The following CCN4 variants were observed in gnomAD, a reference collection of about 807,000 sequenced individuals.
CCN4 encodes the protein cellular communication network factor 4.
A neutral mutation model predicts 36.7 loss-of-function variants in CCN4; 30 were observed. That is an observed-to-expected ratio of 0.82 (90% CI 0.61 to 1.11). CCN4 has a LOEUF of 1.11. Ranked by LOEUF, CCN4 falls within the 50% of genes least tolerant of loss-of-function variation. The pLI is 0.00. For synonymous variants in CCN4, 191 were observed against 195.4 expected (o/e 0.98, Z 0.19); for missense variants, 505 against 504.9 (o/e 1.00, Z 0.00).
chr8:133,204,424 C>G (rs1200569827), intron 1 of CCN4, among the ~76,000 whole-genome samples: 1 of 152,178 alleles, frequency 6.6e-6, no homozygotes, highest in East Asian at 1.9e-4. Context: ...TCTAAAATCT[C>G]CACACTTTTC....
intron 1 of CCN4, among the ~76,000 whole-genome samples, chr8:133,192,056 G>A (rs1023351466): frequency 6.6e-6 from 1 of 152,212 alleles, no homozygotes; most frequent in African/African-American, 2.4e-5. Context: ...AGGGCAGGAG[G>A]TGGGTACCTG....
At position 133,200,245 on chromosome 8, in the gene CCN4, G is replaced by A. The variant is rs150397634; in HGVS notation, c.69+9032G>A. Among the ~76,000 whole-genome samples the A allele has an allele frequency of 4.0e-3, 611 of 152,342 alleles. 4 individuals carry two copies. The highest frequency in any genetic ancestry group is 0.014 in the African/African-American group (587 of 41,574). ...CACAGTGATCCCTTCATCCCAGCCT[G>A]CTCTTGTTACAGAGAAAGTGACTTG... On this transcript the variant is annotated intron_variant, in intron 1 of 4. Transcript: ENST00000250160.
At position 133,224,705 on chromosome 8, in the gene CCN4, C is replaced by T. The variant is rs182695774; in HGVS notation, c.611-685C>T. On this transcript the variant is annotated intron_variant, in intron 3 of 4. Coordinates refer to ENST00000250160, the MANE Select transcript of CCN4 (RefSeq NM_003882.4). ...ATCCCAACACTTTGGAAGGCTGAGGCGGGTGGATCACCTGAGGTCAGGAGT... is the reference window on the plus strand; with the variant it reads ...ATCCCAACACTTTGGAAGGCTGAGGTGGGTGGATCACCTGAGGTCAGGAGT... Among the ~76,000 whole-genome samples the T allele has an allele frequency of 4.4e-4, 67 of 151,674 alleles. No homozygotes were observed. In the East Asian group the frequency reaches 9.3e-3, roughly 21 times the overall value.
intron 1 of CCN4, among the ~76,000 whole-genome samples, chr8:133,204,349 G>C (rs942316115): frequency 5.3e-5 from 8 of 152,250 alleles, no homozygotes; most frequent in African/African-American, 1.7e-4. Context: ...CAGCTTAGCA[G>C]TGTCGGTGGG....
intron 1 of CCN4, among the ~76,000 whole-genome samples, chr8:133,211,104 T>G (rs939028150): frequency 2.6e-5 from 4 of 152,218 alleles, no homozygotes; most frequent in Non-Finnish European, 5.9e-5. Context: ...CAGAAATTCA[T>G]CTGAACCACT....
At chr8:133,195,864 C>A (rs1853363072) in intron 1 of CCN4, among the ~76,000 whole-genome samples, 1 of 152,178 alleles carries the variant, frequency 6.6e-6, no homozygotes, top group Admixed American at 6.5e-5. Flanking sequence ...AAACAGCAAC[C>A]CAGGGATCTT....
At chr8:133,214,015 G>GTTTATATATACTATATATAAACTATATA (rs1854196831) in intron 2 of CCN4, among the ~76,000 whole-genome samples, 12 of 2,912 alleles carry the variant, frequency 4.1e-3, no homozygotes, top group Non-Finnish European at 0.015. Flanking sequence ...ACTATATATA[G>GTTTATATATACTATATATAAACTATATA]TAGTTATACA....
intron 2 of CCN4, among the ~76,000 whole-genome samples, chr8:133,217,936 C>CCATACACACACACACACACACACA (rs1554743639): frequency 6.9e-6 from 1 of 144,432 alleles, no homozygotes; most frequent in Non-Finnish European, 1.5e-5. Context: ...ACTCCCTTCT[C>CCATACACACACACACACACACACA]CACACACACA....
chr8:133,199,236 T>G (rs569846380), intron 1 of CCN4, among the ~76,000 whole-genome samples: 18 of 152,306 alleles, frequency 1.2e-4, no homozygotes, highest in Admixed American at 1.1e-3. Context: ...TCTGCCTGCA[T>G]CTCTGAGCCT....
chr8:133,227,066 G>A (rs1004439432), intron 4 of CCN4, among the ~76,000 whole-genome samples: 2 of 152,320 alleles, frequency 1.3e-5, no homozygotes. Flanking sequence ...CTAGCCAGGG[G>A]AACTTGCTTG....
At chr8:133,225,729 G>T in intron 4 of CCN4, 146 bp downstream of exon 4, 1 of 713,340 alleles carries the variant, frequency 1.4e-6, no homozygotes, top group Non-Finnish European at 2.1e-6. Context: ...CAGCTATTTC[G>T]GATAATGCAG....
At chr8:133,222,483 C>T (rs183773143) in intron 3 of CCN4, among the ~76,000 whole-genome samples, 2 of 151,558 alleles carry the variant, frequency 1.3e-5, no homozygotes, top group Admixed American at 6.6e-5. Context: ...AGGAAGGAGA[C>T]GAAATAGGAG....
At chr8:133,218,457 A>G (rs1046713676) in intron 2 of CCN4, among the ~76,000 whole-genome samples, 1 of 152,178 alleles carries the variant, frequency 6.6e-6, no homozygotes, top group African/African-American at 2.4e-5. Context: ...TTGTTTTGCT[A>G]TATATAAAGA....
chr8:133,210,293 T>A (rs1853959543), intron 1 of CCN4, among the ~76,000 whole-genome samples: 1 of 152,070 alleles, frequency 6.6e-6, no homozygotes, highest in Non-Finnish European at 1.5e-5. Flanking sequence ...GTGTGGTGGC[T>A]CTGAGAGATG....
chr8:133,201,869 G>T (rs1408739729), intron 1 of CCN4, among the ~76,000 whole-genome samples: 1 of 122,614 alleles, frequency 8.2e-6, no homozygotes, highest in Non-Finnish European at 1.8e-5. Context: ...GAAAAGAAAA[G>T]AAAAAAACCC....
chr8:133,214,600 C>T (rs912773277), intron 2 of CCN4, among the ~76,000 whole-genome samples: 2 of 151,930 alleles, frequency 1.3e-5, no homozygotes, highest in African/African-American at 4.8e-5. Flanking sequence ...TCCAAGACAC[C>T]TCCTTTATGA....
Position 133,229,582 on chromosome 8 carries a change from A to G in CCN4, c.*1872A>G, listed in dbSNP as rs1182115352. ...AGGGAATTCTGTGCAGTGTGCAGAGAGATTCCTAAACGGGAAAAGGACTGG... is the reference window on the plus strand; with the variant it reads ...AGGGAATTCTGTGCAGTGTGCAGAGGGATTCCTAAACGGGAAAAGGACTGG... On this transcript the variant is annotated 3_prime_UTR_variant, in exon 5 of 5. Transcript: ENST00000250160. 1 of 152,240 alleles carries G rather than the reference A, an allele frequency of 6.6e-6. No individual in the cohort carries two copies. Among genetic ancestry groups the G allele is most frequent in the Non-Finnish European group, 1.5e-5 (1 of 68,042 alleles). The allele number at this position is 152,240 out of a possible 1,614,324, so 9.4% of individuals were successfully genotyped here.
chr8:133,207,447 C>T (rs971124071), intron 1 of CCN4, among the ~76,000 whole-genome samples: 1 of 152,244 alleles, frequency 6.6e-6, no homozygotes. Flanking sequence ...TGCTCAAGAT[C>T]TGATGGGAGC....
At chr8:133,207,770 G>C (rs1255859894) in intron 1 of CCN4, among the ~76,000 whole-genome samples, 1 of 152,212 alleles carries the variant, frequency 6.6e-6, no homozygotes, top group Non-Finnish European at 1.5e-5. Context: ...TGTGCATGCA[G>C]GGGAACAGAT....
Sources: allele counts gnomAD v4.1 joint callset (sites outside exome capture counted in the v4.1 genomes callset), GRCh38; gene constraint gnomAD v4.1.1; transcripts MANE v1.5; gene names NCBI Gene and HGNC (gene_info 2026-07-23, HGNC 2026-07-21).